The following RECQL5 variants were observed in gnomAD, a reference collection of about 807,000 sequenced individuals.
RECQL5 encodes ATP-dependent DNA helicase Q5.
RECQL5 carries 88 observed loss-of-function variants against 103.4 expected under a neutral mutation model. That is an observed-to-expected ratio of 0.85 (90% CI 0.72 to 1.02). The LOEUF is 1.02. Among genes scored for constraint, RECQL5 ranks in the 50% least tolerant of loss-of-function variants. The probability of loss-of-function intolerance (pLI) is 0.00; values close to 1 mark genes in which losing one functional copy is unlikely to be tolerated. For synonymous variants in RECQL5, 552 were observed against 507.9 expected, an observed-to-expected ratio of 1.09 and a Z score of -1.17; for missense variants, 1,232 against 1,284.3, an observed-to-expected ratio of 0.96 and a Z score of 0.62.
chr17:75,631,459 T>C lies in RECQL5; in HGVS notation c.1439A>G (p.Asp480Gly), dbSNP rs820196. ...CTTCTCGGCCCCTTACCTGCTGAAG[T>C]CCCCGTAGCCCTTGCGGCCTCCCTC... ...LYEGGRKGYGDFSRYDEGSGG... is the reference protein window; with the variant it reads ...LYEGGRKGYGGFSRYDEGSGG... The change falls in exon 9 of 20, where the codon GAC becomes GGC. Residue 480 changes from aspartate to glycine, a missense_variant. Physicochemically the swap from Asp to Gly is moderately conservative, Grantham distance 94. Transcript: ENST00000317905. 0.24 allele frequency: 381,782 copies of C among 1,606,496 alleles called. 46,957 individuals carry two copies. Among genetic ancestry groups the C allele is most frequent in the South Asian group, 0.34 (30,692 of 90,978 alleles).
Position 75,629,021 on chromosome 17 carries a change from G to A in RECQL5, c.2402C>T (p.Pro801Leu). 1 of 1,582,448 alleles carries A rather than the reference G, an allele frequency of 6.3e-7. No individual in the cohort carries two copies. The stretch of plus-strand genomic sequence containing the variant: ...ATCTTCCTCCCCTGTGTACTTCTCT[G>A]GGGCCATCGGGGGTCCCTGAACCCC... ...CEGVQGPPMA[P>L]EKYTGEEDGA... The change falls in exon 16 of 20, where the codon CCA becomes CTA. Residue 801 changes from proline to leucine, a missense_variant. By Grantham distance (98) the Pro-to-Leu change is moderately conservative (BLOSUM62 -3). Transcript: ENST00000317905.
intron 8 of RECQL5, among the ~76,000 whole-genome samples, chr17:75,644,563 T>C (rs1340695259): frequency 2.0e-5 from 3 of 151,644 alleles, no homozygotes; most frequent in Non-Finnish European, 4.4e-5. Flanking sequence ...CCAGCCTGAG[T>C]GACAGAGCAA....
intron 7 of RECQL5, among the ~76,000 whole-genome samples, chr17:75,657,240 C>T (rs961053922): frequency 1.7e-4 from 26 of 152,100 alleles, no homozygotes; most frequent in African/African-American, 5.8e-4. Context: ...GAAGATTAAG[C>T]CAGGTGCAGT....
rs549247465 is a variant in RECQL5, at chr17:75,653,016, C to T, written c.1150-1751G>A. Among the ~76,000 whole-genome samples, 11 of 152,298 alleles carry T rather than the reference C, an allele frequency of 7.2e-5. No individual in the cohort carries two copies. In the East Asian group the frequency reaches 1.7e-3, roughly 24 times the overall value. On this transcript the variant is annotated intron_variant, in intron 7 of 19. Transcript: ENST00000317905. ...CCTGGGAAACCCAAGGCATGACTGCCGGTTGCTGGTGACAGGCACACAGCA... is the reference window on the plus strand; with the variant it reads ...CCTGGGAAACCCAAGGCATGACTGCTGGTTGCTGGTGACAGGCACACAGCA...
chr17:75,652,391 A>T (rs1185922650), intron 7 of RECQL5: 1 of 152,256 alleles, frequency 6.6e-6, no homozygotes, highest in Non-Finnish European at 1.5e-5. Flanking sequence ...ACACAACCAG[A>T]AAACAGGAGG....
chr17:75,634,026 A>C, intron 8 of RECQL5: 1 of 985,464 alleles, frequency 1.0e-6, no homozygotes, highest in Non-Finnish European at 1.2e-6. Flanking sequence ...TGACACTTGG[A>C]TCTCCAGGAC....
At chr17:75,658,917 T>C (rs1400834101) in intron 6 of RECQL5, among the ~76,000 whole-genome samples, 3 of 152,174 alleles carry the variant, frequency 2.0e-5, no homozygotes, top group East Asian at 1.9e-4. Context: ...CTCCAGAATA[T>C]GAGATTCAGA....
chr17:75,662,098 T>C (rs1489603702), intron 4 of RECQL5, among the ~76,000 whole-genome samples: 4 of 151,982 alleles, frequency 2.6e-5, no homozygotes, highest in African/African-American at 9.7e-5. Context: ...GAGGCGGAGG[T>C]TGCGGTGAGC....
intron 3 of RECQL5, among the ~76,000 whole-genome samples, chr17:75,664,053 T>TCA (rs2059734712): frequency 6.1e-5 from 1 of 16,334 alleles, no homozygotes; most frequent in African/African-American, 1.0e-4. Flanking sequence ...AAACTCCATC[T>TCA]CAAAAAAAAA....
At position 75,628,701 on chromosome 17, in the gene RECQL5, A is replaced by G. The variant is rs745582738; in HGVS notation, c.2551T>C (p.Trp851Arg). ...TGGGATCGAGGCCGCTTGCCCTTCC[A>G]TGTGTCCTTTGCAGGGGTGGGCTGG... ...EVQPTPAKDT[W>R]KGKRPRSQQE... Residue 851 changes from tryptophan (W) to arginine (R), a missense_variant, in exon 17 of 20, where the codon TGG (tryptophan) becomes CGG (arginine). By Grantham distance (101) the Trp-to-Arg change is moderately radical. Transcript: ENST00000317905. The G allele has an allele frequency of 3.1e-6, 5 of 1,590,948 alleles. No individual in the cohort carries two copies. Among genetic ancestry groups the G allele is most frequent in the Non-Finnish European group, 2.6e-6 (3 of 1,174,434 alleles).
At position 75,667,102 on chromosome 17, in the gene RECQL5, C is replaced by G. The variant is rs759549477; in HGVS notation, c.-73G>C. The G allele has an allele frequency of 4.4e-6, 2 of 453,832 alleles. No homozygotes were observed. The highest frequency in any genetic ancestry group is 4.8e-5 in the East Asian group (1 of 21,034). The allele number at this position is 453,832 out of a possible 1,614,324, so 28.1% of individuals were successfully genotyped here. On this transcript the variant is annotated 5_prime_UTR_variant, in exon 1 of 20. Transcript: ENST00000317905. Reference sequence around the variant, plus strand: ...GCTGCTGGCTGGTTCCGGAACTGTTCGAAGACCCCTATACACAACCCCAAC... The same window carrying G: ...GCTGCTGGCTGGTTCCGGAACTGTTGGAAGACCCCTATACACAACCCCAAC...
chr17:75,635,458 A>G (rs2059303058), intron 8 of RECQL5, among the ~76,000 whole-genome samples: 1 of 152,214 alleles, frequency 6.6e-6, no homozygotes, highest in South Asian at 2.1e-4. Context: ...GTAGCTGCAG[A>G]AAGAGCGCCT....
At chr17:75,663,836 C>A (rs1282330159) in intron 3 of RECQL5, among the ~76,000 whole-genome samples, 1 of 152,038 alleles carries the variant, frequency 6.6e-6, no homozygotes, top group Non-Finnish European at 1.5e-5. Context: ...GGGCAGATCA[C>A]CTGAGGTCAG....
Position 75,667,110 on chromosome 17 carries a change from C to G in RECQL5, c.-81G>C, listed in dbSNP as rs960218470. The stretch of plus-strand genomic sequence containing the variant: ...CTGGTTCCGGAACTGTTCGAAGACC[C>G]CTATACACAACCCCAACTCAGAGAA... On this transcript the variant is annotated 5_prime_UTR_variant, in exon 1 of 20. Coordinates refer to ENST00000317905, the MANE Select transcript of RECQL5 (RefSeq NM_004259.7). 1.2e-5 allele frequency: 6 copies of G among 498,666 alleles called. No homozygotes were observed. The highest frequency in any genetic ancestry group is 1.1e-4 in the South Asian group (5 of 46,880). The allele number at this position is 498,666 out of a possible 1,614,324, so 30.9% of individuals were successfully genotyped here.
At chr17:75,630,467 G>T in intron 13 of RECQL5, 152 bp downstream of exon 13, 1 of 931,120 alleles carries the variant, frequency 1.1e-6, no homozygotes, top group Non-Finnish European at 1.7e-6. Context: ...GCCATGCCTG[G>T]CCCTGGTGGG....
intron 8 of RECQL5, chr17:75,648,013 C>T (rs1023665577): frequency 2.3e-5 from 4 of 170,714 alleles, no homozygotes. Context: ...GATAGAGCCA[C>T]CAGAGCAAGC....
At chr17:75,644,934 T>C (rs2059472905) in intron 8 of RECQL5, among the ~76,000 whole-genome samples, 2 of 152,252 alleles carry the variant, frequency 1.3e-5, no homozygotes, top group African/African-American at 2.4e-5. Flanking sequence ...CATCTATTAC[T>C]TTTTTACATA....
At chr17:75,650,788 G>A (rs532119093) in intron 8 of RECQL5, 1 of 1,563,480 alleles carries the variant, frequency 6.4e-7, no homozygotes, top group East Asian at 2.4e-5. Flanking sequence ...GGGGCCACAG[G>A]CTTCTGTGTG....
At chr17:75,641,108 A>C in intron 8 of RECQL5, 1 of 845,726 alleles carries the variant, frequency 1.2e-6, no homozygotes, top group Non-Finnish European at 1.7e-6. Flanking sequence ...GCCAGTGGAC[A>C]CTGGGTGCTG....
Sources: allele counts gnomAD v4.1 joint callset (sites outside exome capture counted in the v4.1 genomes callset), GRCh38; gene constraint gnomAD v4.1.1; transcripts MANE v1.5; gene names NCBI Gene and HGNC (gene_info 2026-07-23, HGNC 2026-07-21).